EHHADH: variants seen among roughly 807,000 people sequenced by gnomAD.
EHHADH encodes enoyl-CoA hydratase and 3-hydroxyacyl CoA dehydrogenase, also known as peroxisomal bifunctional enzyme.
EHHADH carries 48 observed loss-of-function variants against 64.4 expected under a neutral mutation model. The ratio of observed to expected loss-of-function variants is 0.75; its 90% CI spans 0.59 to 0.95. The LOEUF is 0.95. Ranked by LOEUF, EHHADH falls within the 40% of genes least tolerant of loss-of-function variation. The pLI, the probability that EHHADH is intolerant of heterozygous loss-of-function variation, is 0.00. For missense variants in EHHADH, 854 were observed against 876.6 expected, an observed-to-expected ratio of 0.97 and a Z score of 0.33; for synonymous variants, 308 against 326.7, an observed-to-expected ratio of 0.94 and a Z score of 0.62.
intron 5 of EHHADH, among the ~76,000 whole-genome samples, chr3:185,217,547 GAAAAA>G (rs755192275): frequency 3.4e-5 from 3 of 88,106 alleles, no homozygotes; most frequent in African/African-American, 1.4e-4. Context: ...CTCTGTCTCA[GAAAAA>G]AAAAAAAAAA....
intron 2 of EHHADH, among the ~76,000 whole-genome samples, chr3:185,236,476 G>C (rs1719300062): frequency 7.1e-6 from 1 of 139,918 alleles, no homozygotes; most frequent in African/African-American, 2.5e-5. Flanking sequence ...CTGATTTAGA[G>C]CATACCATAA....
intron 2 of EHHADH, among the ~76,000 whole-genome samples, chr3:185,240,097 A>G (rs2108649093): frequency 6.6e-6 from 1 of 151,856 alleles, no homozygotes; most frequent in South Asian, 2.1e-4. Flanking sequence ...CATCCTAGAA[A>G]CCCTGCAATA....
chr3:185,245,391 T>G (rs1719568384), intron 2 of EHHADH: 1 of 514,640 alleles, frequency 1.9e-6, no homozygotes, highest in Admixed American at 3.9e-5. Context: ...CAATGGTATA[T>G]CCACTCTGAT....
chr3:185,226,650 C>CAAAA (rs59522852), intron 4 of EHHADH, among the ~76,000 whole-genome samples: 4 of 133,276 alleles, frequency 3.0e-5, no homozygotes, highest in African/African-American at 8.8e-5. Flanking sequence ...ACTCCATCTC[C>CAAAA]AAAAAAAAAA....
At position 185,216,070 on chromosome 3, in the gene EHHADH, G is replaced by C. The variant is rs1237584547; in HGVS notation, c.568+2066C>G. On this transcript the variant is annotated intron_variant, in intron 5 of 6. Transcript: ENST00000231887. The surrounding 1 kb of genome is among the most constrained non-coding windows in gnomAD (Gnocchi z 5.3). ...TGCCTCAATATTTGGATGCCACCAA[G>C]TGGACAAACTGTATAATGTCGTTGA... 6.6e-6 allele frequency among the ~76,000 whole-genome samples: 1 copy of C among 152,188 alleles called. No homozygotes were observed. Among genetic ancestry groups the C allele is most frequent in the Non-Finnish European group, 1.5e-5 (1 of 68,032 alleles).
chr3:185,239,373 C>T (rs546005538), intron 2 of EHHADH, among the ~76,000 whole-genome samples: 48 of 152,174 alleles, frequency 3.2e-4, no homozygotes, highest in African/African-American at 9.9e-4. Context: ...TTGTTTTGGG[C>T]AGTATGTCCA....
At chr3:185,226,618 C>T (rs1295377904) in intron 4 of EHHADH, among the ~76,000 whole-genome samples, 3 of 144,858 alleles carry the variant, frequency 2.1e-5, no homozygotes, top group Non-Finnish European at 3.0e-5. Flanking sequence ...CACTGCACTC[C>T]AGCCTGGGTG....
intron 5 of EHHADH, among the ~76,000 whole-genome samples, chr3:185,209,679 A>G (rs1276333935): frequency 6.6e-6 from 1 of 152,364 alleles, no homozygotes; most frequent in East Asian, 1.9e-4. Flanking sequence ...ACATGGTAAT[A>G]TAGATATATT....
rs192902387 is a variant in EHHADH at position 185,229,642 on chromosome 3, G to T, written c.352-99C>A. ...GATTTCCTGTATTCTCAAAAGCATG[G>T]TGTCACTGAATTCAGCAAGATTTCT... is the stretch of plus-strand genomic sequence containing the variant. On this transcript the variant is annotated intron_variant, in intron 3 of 6. Transcript: ENST00000231887. 2.1e-3 allele frequency: 1,400 copies of T among 673,740 alleles called. 2 individuals carry two copies. The highest frequency in any genetic ancestry group is 4.2e-3 in the Admixed American group (110 of 26,382). 41.7% of individuals were successfully genotyped at this position (673,740 alleles called of 1,614,324 possible).
intron 2 of EHHADH, chr3:185,245,806 G>C: frequency 1.4e-6 from 1 of 737,808 alleles, no homozygotes; most frequent in Non-Finnish European, 2.4e-6. Context: ...AAGTTTTCTT[G>C]GTTCCTACTC....
At position 185,230,686 on chromosome 3, in the gene EHHADH, G is replaced by C. The variant is rs1256289324; in HGVS notation, c.352-1143C>G. Among the ~76,000 whole-genome samples the C allele has an allele frequency of 6.1e-5, 4 of 65,274 alleles. No individual in the cohort carries two copies. In the East Asian group the frequency reaches 1.8e-3, roughly 29 times the overall value. 42.8% of individuals were successfully genotyped at this position (65,274 alleles called of 152,430 possible). On this transcript the variant is annotated intron_variant, in intron 3 of 6. Transcript: ENST00000231887. ...TGATTCTGTTTATATGAAATATCCA[G>C]AATAGGCAAAACATGATAAACAAAA...
intron 2 of EHHADH, chr3:185,245,572 G>C (rs1719572466): frequency 2.5e-6 from 2 of 806,266 alleles, no homozygotes; most frequent in Admixed American, 2.1e-5. Flanking sequence ...TAGGAAATAA[G>C]AGTTGCATGT....
intron 5 of EHHADH, among the ~76,000 whole-genome samples, chr3:185,207,984 A>G (rs1425020258): frequency 6.6e-6 from 1 of 152,262 alleles, no homozygotes; most frequent in Non-Finnish European, 1.5e-5. Context: ...GATGCTCGAC[A>G]TCATTAGTCA....
chr3:185,233,895 C>T (rs967798187), intron 3 of EHHADH, among the ~76,000 whole-genome samples: 7 of 152,092 alleles, frequency 4.6e-5, no homozygotes, highest in African/African-American at 1.2e-4. Context: ...CTGCCTGCCT[C>T]GGCCTCCCAA....
chr3:185,236,339 C>G (rs1254142322), intron 2 of EHHADH, among the ~76,000 whole-genome samples: 1 of 143,396 alleles, frequency 7.0e-6, no homozygotes, highest in Non-Finnish European at 1.6e-5. Context: ...TGAGGTGGAA[C>G]AGTTTCATCC....
rs371383786 is a variant in EHHADH at position 185,229,468 on chromosome 3, T to C, written c.427A>G (p.Thr143Ala). 1.9e-6 allele frequency: 3 copies of C among 1,568,510 alleles called. No individual in the cohort carries two copies. Among genetic ancestry groups the C allele is most frequent in the Non-Finnish European group, 2.6e-6 (3 of 1,153,226 alleles). ...AAGTCAAGTGCAGCAGGAACTCCAG[T>C]GAGTCTGGGGAGAAGCTGGGTTCCT... Reference protein sequence around the residue: ...ARGTQLLPRLTGVPAALDLIT... With the variant: ...ARGTQLLPRLAGVPAALDLIT... Residue 143 changes from threonine (T) to alanine (A), a missense_variant, in exon 4 of 7, where the codon ACT becomes GCT. By Grantham distance (58) the Thr-to-Ala change is moderately conservative (BLOSUM62 0). Transcript: ENST00000231887.
rs1210938627 is a variant in EHHADH at position 185,241,875 on chromosome 3, G to A, written c.179-6413C>T. Reference sequence around the variant, plus strand: ...TCTTGGTCATGAAATGCTTGCCTAAGCCAATGTCTAGAAGGGTTTTTCCAA... The same window carrying A: ...TCTTGGTCATGAAATGCTTGCCTAAACCAATGTCTAGAAGGGTTTTTCCAA... On this transcript the variant is annotated intron_variant, in intron 2 of 6. Transcript: ENST00000231887. Among the ~76,000 whole-genome samples, 9 of 152,140 alleles carry A rather than the reference G, an allele frequency of 5.9e-5. No homozygotes were observed. The South Asian group carries it at 6.2e-4, about 10-fold the overall frequency.
intron 3 of EHHADH, among the ~76,000 whole-genome samples, chr3:185,233,055 T>C (rs1174157230): frequency 6.6e-6 from 1 of 152,236 alleles, no homozygotes; most frequent in Non-Finnish European, 1.5e-5. Context: ...AAAGAGTAAC[T>C]TCATGGGTAA....
At position 185,218,134 on chromosome 3, in the gene EHHADH, A is replaced by C. The variant is rs1256375265; in HGVS notation, c.568+2T>G. The C allele has an allele frequency of 3.1e-6, 5 of 1,591,394 alleles. No individual in the cohort carries two copies. The highest frequency in any genetic ancestry group is 4.3e-6 in the Non-Finnish European group (5 of 1,166,782). ...TGGCTATTTTTATTATTATCTTCTT[A>C]CCTGAAACTCTCTGAGCAAATCTGA... On this transcript the variant is annotated splice_donor_variant, in intron 5 of 6. Transcript: ENST00000231887. LOFTEE classifies it high-confidence loss of function.
Sources: gnomAD v4.1 joint callset for allele counts (sites outside exome capture counted in the v4.1 genomes callset) on GRCh38, gnomAD v4.1.1 for gene constraint, Gnocchi (gnomAD v3.1) non-coding constraint, MANE v1.5 for transcripts, NCBI Gene and HGNC (gene_info 2026-07-23, HGNC 2026-07-21) for gene names.